KIAA2012: variants seen among roughly 807,000 people sequenced by gnomAD.
KIAA2012 encodes the protein uncharacterized protein KIAA2012.
A neutral mutation model predicts 150.6 loss-of-function variants in KIAA2012; 125 were observed. That is an observed-to-expected ratio of 0.83 (90% CI 0.72 to 0.96). The LOEUF (loss-of-function observed/expected upper bound fraction) is 0.96, where lower values mean the gene tolerates loss of function less well. Among genes scored for constraint, KIAA2012 ranks in the 40% least tolerant of loss-of-function variants. The pLI, the probability that KIAA2012 is intolerant of heterozygous loss-of-function variation, is 0.00. For missense variants in KIAA2012, 1,219 were observed against 1,354.9 expected, an observed-to-expected ratio of 0.90 and a Z score of 1.57; for synonymous variants, 462 against 504.7, an observed-to-expected ratio of 0.92 and a Z score of 1.13.
intron 15 of KIAA2012, chr2:202,179,184 C>T (rs753788899): frequency 1.4e-5 from 8 of 570,708 alleles, no homozygotes; most frequent in Middle Eastern, 9.6e-4. Context: ...CTTAGACCAG[C>T]ATCTGTGTCT....
intron 9 of KIAA2012, among the ~76,000 whole-genome samples, chr2:202,109,102 G>C (rs1344898757): frequency 6.6e-6 from 1 of 152,190 alleles, no homozygotes; most frequent in East Asian, 1.9e-4. Context: ...CCCTGAGGAA[G>C]GAATGCAATC....
intron 11 of KIAA2012, chr2:202,114,095 G>T (rs1054175651): frequency 6.6e-6 from 1 of 152,218 alleles, no homozygotes; most frequent in Non-Finnish European, 1.5e-5. Context: ...TCATCTGGGG[G>T]GTTACGTCAT....
intron 22 of KIAA2012, chr2:202,201,611 A>G: frequency 6.2e-7 from 1 of 1,610,150 alleles, no homozygotes. Context: ...GACCAACTGG[A>G]TAATAAGCCA....
At chr2:202,110,802 C>G (rs1690328127) in intron 10 of KIAA2012, among the ~76,000 whole-genome samples, 1 of 152,088 alleles carries the variant, frequency 6.6e-6, no homozygotes, top group African/African-American at 2.4e-5. Flanking sequence ...CCAGCACACC[C>G]CCTTCTCATT....
At chr2:202,184,939 G>A (rs905025627) in intron 16 of KIAA2012, 96 bp downstream of exon 16, 98 of 916,342 alleles carry the variant, frequency 1.1e-4, no homozygotes, top group Non-Finnish European at 5.8e-5. Context: ...GACAGGAATG[G>A]GAGTTCTCAG....
intron 12 of KIAA2012, 43 bp downstream of exon 12, chr2:202,125,325 A>ATTTG: frequency 2.1e-6 from 3 of 1,427,702 alleles, no homozygotes; most frequent in Non-Finnish European, 2.9e-6. Flanking sequence ...TCTCTATGTA[A>ATTTG]TTTGACTCAT....
At chr2:202,120,171 C>T (rs974610901) in intron 11 of KIAA2012, among the ~76,000 whole-genome samples, 1 of 152,150 alleles carries the variant, frequency 6.6e-6, no homozygotes, top group Non-Finnish European at 1.5e-5. Flanking sequence ...AGCATGAAAA[C>T]AGACTAATAC....
intron 11 of KIAA2012, chr2:202,117,008 G>C (rs891840992): frequency 3.3e-5 from 5 of 152,212 alleles, no homozygotes; most frequent in African/African-American, 1.2e-4. Context: ...CTAGGCTTGT[G>C]TGGGAGTTGC....
At chr2:202,158,979 C>T (rs1691594932) in intron 14 of KIAA2012, among the ~76,000 whole-genome samples, 1 of 152,174 alleles carries the variant, frequency 6.6e-6, no homozygotes, top group Admixed American at 6.5e-5. Context: ...ACACAGTTAG[C>T]ATATAGTGCC....
chr2:202,130,855 T>G (rs760929781), intron 12 of KIAA2012, among the ~76,000 whole-genome samples: 11 of 152,166 alleles, frequency 7.2e-5, no homozygotes, highest in Admixed American at 7.2e-4. Flanking sequence ...AGGCAGAGGT[T>G]GCAGTGAGCC....
chr2:202,192,409 A>G (rs1302048831), intron 19 of KIAA2012, among the ~76,000 whole-genome samples: 1 of 151,768 alleles, frequency 6.6e-6, no homozygotes, highest in Non-Finnish European at 1.5e-5. Context: ...ATTAAATGTG[A>G]ATCTGACCCA....
chr2:202,187,066 T>C lies in KIAA2012; in HGVS notation c.2344T>C (p.Phe782Leu). The C allele has an allele frequency of 6.4e-7, 1 of 1,550,560 alleles. No homozygotes were observed. Among genetic ancestry groups the C allele is most frequent in the Non-Finnish European group, 8.7e-7 (1 of 1,146,982 alleles). The change falls in exon 17 of 24, where the codon TTT becomes CTT. Residue 782 changes from phenylalanine (F) to leucine (L), a missense_variant. Transcript: ENST00000498697. The part of the protein sequence containing the change: ...EREGKAEPRL[F>L]SQETSANISH... ...AGAAGGGAAGGCTGAACCAAGACTG[T>C]TTAGCCAGGAGACATCAGCCAACAT...
At chr2:202,076,998 T>C (rs757066173) in intron 2 of KIAA2012, 1 of 457,090 alleles carries the variant, frequency 2.2e-6, no homozygotes, top group South Asian at 1.5e-5. Flanking sequence ...GACCACAGTA[T>C]TTCTCCCTTC....
chr2:202,141,424 G>GA (rs1691194912), intron 13 of KIAA2012, among the ~76,000 whole-genome samples: 1 of 152,092 alleles, frequency 6.6e-6, no homozygotes, highest in Non-Finnish European at 1.5e-5. Context: ...ATGTGGAGAT[G>GA]AAAAGAGAGC....
At chr2:202,166,265 G>A (rs991964201) in intron 15 of KIAA2012, among the ~76,000 whole-genome samples, 4 of 152,224 alleles carry the variant, frequency 2.6e-5, no homozygotes, top group African/African-American at 9.6e-5. Flanking sequence ...GCATTTTCCT[G>A]TCCTGAATGA....
rs1031617436 is a variant in KIAA2012 at position 202,073,318 on chromosome 2, G to A, written c.-310G>A. 7 of 281,576 alleles carry A rather than the reference G, an allele frequency of 2.5e-5. No homozygotes were observed. The highest frequency in any genetic ancestry group is 4.3e-5 in the African/African-American group (2 of 46,874). The allele number at this position is 281,576 out of a possible 1,614,324, so 17.4% of individuals were successfully genotyped here. On this transcript the variant is annotated 5_prime_UTR_variant, in exon 1 of 24. Coordinates refer to ENST00000498697, the MANE Select transcript of KIAA2012 (RefSeq NM_001277372.4). Reference sequence around the variant, plus strand: ...GCACACGGCTGGTAACAGAGCAACCGGGACCAAGGGACAACAAGAGCTCAG... The same window carrying A: ...GCACACGGCTGGTAACAGAGCAACCAGGACCAAGGGACAACAAGAGCTCAG...
chr2:202,130,915 C>CAA (rs200033102), intron 12 of KIAA2012, among the ~76,000 whole-genome samples: 1 of 150,972 alleles, frequency 6.6e-6, no homozygotes, highest in Non-Finnish European at 1.5e-5. Flanking sequence ...GACTCCATCT[C>CAA]AAAAATAAAT....
At chr2:202,146,880 GCA>G (rs1294650789) in intron 13 of KIAA2012, among the ~76,000 whole-genome samples, 3 of 152,264 alleles carry the variant, frequency 2.0e-5, no homozygotes, top group African/African-American at 7.2e-5. Flanking sequence ...CCTCTCTGAG[GCA>G]CAGTTTCCTC....
At chr2:202,183,811 A>G (rs1378747747) in intron 15 of KIAA2012, among the ~76,000 whole-genome samples, 1 of 152,168 alleles carries the variant, frequency 6.6e-6, no homozygotes, top group African/African-American at 2.4e-5. Flanking sequence ...GTTTTTTAAA[A>G]TCAACTTGCT....
Sources: gnomAD v4.1 joint callset for allele counts (sites outside exome capture counted in the v4.1 genomes callset) on GRCh38, gnomAD v4.1.1 for gene constraint, MANE v1.5 for transcripts, NCBI Gene and HGNC (gene_info 2026-07-23, HGNC 2026-07-21) for gene names.